LHPP: variants seen among roughly 807,000 people sequenced by gnomAD.
The protein encoded by LHPP is hLHPP.
LHPP carries 24 observed loss-of-function variants against 30.3 expected under a neutral mutation model. That is an observed-to-expected ratio of 0.79 (90% CI 0.57 to 1.11). LHPP has a LOEUF of 1.11. Ranked by LOEUF, LHPP falls within the 50% of genes most tolerant of loss-of-function variation. The probability of loss-of-function intolerance (pLI) is 0.00; values close to 1 mark genes in which losing one functional copy is unlikely to be tolerated. For missense variants in LHPP, 356 were observed against 367.2 expected (o/e 0.97, Z 0.25); for synonymous variants, 150 against 157.1 (o/e 0.95, Z 0.34).
chr10:124,577,840 T>G (rs1464018268), intron 6 of LHPP, among the ~76,000 whole-genome samples: 1 of 152,076 alleles, frequency 6.6e-6, no homozygotes, highest in Non-Finnish European at 1.5e-5. Context: ...CCGTCACAAC[T>G]GTACTCAGCT....
rs1954273565 is a variant in LHPP, at chr10:124,510,613, A to G, written c.625-6567A>G. Among the ~76,000 whole-genome samples the G allele has an allele frequency of 6.6e-6, 1 of 152,228 alleles. No individual in the cohort carries two copies. The highest frequency in any genetic ancestry group is 6.5e-5 in the Admixed American group (1 of 15,280). Reference sequence around the variant, plus strand: ...AACCAAGTCTGTATTCTGGGAGGGAAACCTGTGTGCTGTCTGGTTTTGTAT... The same window carrying G: ...AACCAAGTCTGTATTCTGGGAGGGAGACCTGTGTGCTGTCTGGTTTTGTAT... On this transcript the variant is annotated intron_variant, in intron 5 of 6. Transcript: ENST00000368842. The surrounding 1 kb of genome is among the most constrained non-coding windows in gnomAD (Gnocchi z 4.0).
intron 2 of LHPP, among the ~76,000 whole-genome samples, chr10:124,487,019 C>T (rs933031043): frequency 3.9e-5 from 6 of 152,356 alleles, no homozygotes; most frequent in South Asian, 2.1e-4. Flanking sequence ...CTTCTTTTAC[C>T]CAACGTAATG....
intron 6 of LHPP, among the ~76,000 whole-genome samples, chr10:124,552,583 C>T (rs554689552): frequency 2.6e-5 from 4 of 152,302 alleles, no homozygotes; most frequent in Admixed American, 2.0e-4. Flanking sequence ...GCTGAGCAGG[C>T]ACAGCTCTTA....
rs577346846 is a variant in LHPP, at chr10:124,521,190, G to A, written c.716+3919G>A. ...GGCTGTTTTGGGACTGGAATTGCCT[G>A]CGTGGTGCTCCCTATGGATGTGTGG... On this transcript the variant is annotated intron_variant, in intron 6 of 6. Coordinates refer to ENST00000368842, the MANE Select transcript of LHPP (RefSeq NM_022126.4). Among the ~76,000 whole-genome samples, 12 of 152,338 alleles carry A rather than the reference G, an allele frequency of 7.9e-5. No individual in the cohort carries two copies. The South Asian group carries it at 2.5e-3, about 32-fold the overall frequency.
intron 6 of LHPP, among the ~76,000 whole-genome samples, chr10:124,600,446 G>C (rs929815002): frequency 6.6e-6 from 1 of 152,266 alleles, no homozygotes; most frequent in African/African-American, 2.4e-5. Context: ...CTGGGTGTTG[G>C]CCTGGGTGGG....
At chr10:124,601,383 G>A (rs572382713) in intron 6 of LHPP, among the ~76,000 whole-genome samples, 2 of 152,322 alleles carry the variant, frequency 1.3e-5, no homozygotes, top group East Asian at 1.9e-4. Context: ...TTCTATGTGC[G>A]CTTGACCGGG....
At position 124,590,032 on chromosome 10, in the gene LHPP, C is replaced by T. The variant is rs1271097482; in HGVS notation, c.717-23232C>T. On this transcript the variant is annotated intron_variant, in intron 6 of 6. Transcript: ENST00000368842. The surrounding 1 kb of genome is among the most constrained non-coding windows in gnomAD (Gnocchi z 4.3). ...TCCATCCCACCACTCCACCGCCCCC[C>T]GCCCTTAGAAAAATAAATGCGTGAT... Among the ~76,000 whole-genome samples the T allele has an allele frequency of 6.6e-6, 1 of 152,228 alleles. No individual in the cohort carries two copies. Among genetic ancestry groups the T allele is most frequent in the African/African-American group, 2.4e-5 (1 of 41,452 alleles).
chr10:124,495,119 G>C (rs1055301902), intron 3 of LHPP, among the ~76,000 whole-genome samples: 2 of 152,166 alleles, frequency 1.3e-5, no homozygotes, highest in African/African-American at 4.8e-5. Flanking sequence ...TGAAGTCTGC[G>C]TTTAAGACAT....
chr10:124,559,149 G>A (rs890022990), intron 6 of LHPP, among the ~76,000 whole-genome samples: 8 of 152,186 alleles, frequency 5.3e-5, no homozygotes, highest in Non-Finnish European at 1.0e-4. Flanking sequence ...CAGGTGCAGC[G>A]GGCAAGGTTT....
intron 5 of LHPP, among the ~76,000 whole-genome samples, chr10:124,507,063 G>GC (rs1277651664): frequency 4.0e-5 from 1 of 24,814 alleles, no homozygotes; most frequent in African/African-American, 2.4e-4. Context: ...TTCAGGTGTA[G>GC]GGGTAGACAG....
rs1402592549 is a variant in LHPP, at chr10:124,461,901, G to C, written c.39G>C (p.Gly13=). The change falls in exon 1 of 7, where the codon GGG becomes GGC. Residue 13 remains glycine (G), a synonymous_variant. Transcript: ENST00000368842. Reference sequence around the variant, plus strand: ...GCAAGCGGCTGGCTGGCGTGCGCGGGGTGCTGCTTGACATCTCGGGCGTGC... The same window carrying C: ...GCAAGCGGCTGGCTGGCGTGCGCGGCGTGCTGCTTGACATCTCGGGCGTGC... The part of the protein sequence containing the change: ...PWGKRLAGVR[G]VLLDISGVLY... 8.0e-7 allele frequency: 1 copy of C among 1,257,088 alleles called. No individual in the cohort carries two copies. Among genetic ancestry groups the C allele is most frequent in the African/African-American group, 1.5e-5 (1 of 65,104 alleles). 77.9% of individuals were successfully genotyped at this position (1,257,088 alleles called of 1,614,324 possible). A position where few individuals can be genotyped will look rare whatever the true frequency, so the allele number is the denominator to read the frequency against.
chr10:124,568,808 A>C (rs1371116640), intron 6 of LHPP, among the ~76,000 whole-genome samples: 1 of 152,152 alleles, frequency 6.6e-6, no homozygotes, highest in African/African-American at 2.4e-5. Context: ...ACGTCACTTC[A>C]TTTAATTTTT....
At chr10:124,577,174 G>A (rs1363034580) in intron 6 of LHPP, among the ~76,000 whole-genome samples, 1 of 152,164 alleles carries the variant, frequency 6.6e-6, no homozygotes, top group Non-Finnish European at 1.5e-5. Flanking sequence ...AGAAGGGCCA[G>A]GTAGGCTGAT....
At chr10:124,527,914 G>A (rs1345679522) in intron 6 of LHPP, among the ~76,000 whole-genome samples, 1 of 152,070 alleles carries the variant, frequency 6.6e-6, no homozygotes, top group Non-Finnish European at 1.5e-5. Context: ...CCAAATAGCT[G>A]GGAAACAGGT....
intron 6 of LHPP, among the ~76,000 whole-genome samples, chr10:124,524,478 C>T (rs942386754): frequency 4.6e-5 from 7 of 152,000 alleles, no homozygotes; most frequent in African/African-American, 1.2e-4. Context: ...GGTTTCACCA[C>T]GTTGGCCAAA....
chr10:124,608,691 GA>G (rs67233244), intron 6 of LHPP, among the ~76,000 whole-genome samples: 26,206 of 152,190 alleles, frequency 0.17, 2,607 homozygotes, highest in East Asian at 0.33. Context: ...CGCTCAGAGG[GA>G]CCCCCACCCC....
rs1159215980 is a variant in LHPP, at chr10:124,467,493, A to G, written c.125+5506A>G. The stretch of plus-strand genomic sequence containing the variant: ...CACAGTAGACCCACAACAGTGTAAC[A>G]TTAAAGACCACTTTCTTTTCTTTTT... On this transcript the variant is annotated intron_variant, in intron 1 of 6. Transcript: ENST00000368842. Among the ~76,000 whole-genome samples, 3 of 151,026 alleles carry G rather than the reference A, an allele frequency of 2.0e-5. No homozygotes were observed. In the South Asian group the frequency reaches 6.3e-4, roughly 32 times the overall value.
chr10:124,507,067 T>G (rs1374048549), intron 5 of LHPP, among the ~76,000 whole-genome samples: 1 of 7,140 alleles, frequency 1.4e-4, no homozygotes. Flanking sequence ...GGTGTAGGGG[T>G]AGACAGGATT....
rs1431757480 is a variant in LHPP at position 124,592,021 on chromosome 10, A to C, written c.717-21243A>C. Among the ~76,000 whole-genome samples the C allele has an allele frequency of 6.6e-6, 1 of 152,200 alleles. No homozygotes were observed. Among genetic ancestry groups the C allele is most frequent in the Non-Finnish European group, 1.5e-5 (1 of 68,024 alleles). On this transcript the variant is annotated intron_variant, in intron 6 of 6. Transcript: ENST00000368842. This position sits in a 1 kb window ranked among gnomAD's most constrained non-coding sequence, Gnocchi z 6.2. ...CCTTGTAACACACCCTAGACAAGTCAGCACTCAAGTTTATATGGACAAATA... is the reference window on the plus strand; with the variant it reads ...CCTTGTAACACACCCTAGACAAGTCCGCACTCAAGTTTATATGGACAAATA...
Sources: allele counts gnomAD v4.1 joint callset (sites outside exome capture counted in the v4.1 genomes callset), GRCh38; gene constraint gnomAD v4.1.1; non-coding constraint Gnocchi (gnomAD v3.1); transcripts MANE v1.5; gene names NCBI Gene and HGNC (gene_info 2026-07-23, HGNC 2026-07-21).